Variants in MTA3 observed in about 807,000 individuals in gnomAD.
MTA3 encodes metastasis associated 1 family member 3, also known as metastasis-associated protein MTA3.
In MTA3, 34 loss-of-function variants were observed where a neutral mutation model predicts 83.5. That is an observed-to-expected ratio of 0.41 (90% CI 0.31 to 0.54). The LOEUF (loss-of-function observed/expected upper bound fraction) is 0.54, where lower values mean the gene tolerates loss of function less well. Ranked by LOEUF, MTA3 falls within the 20% of genes least tolerant of loss-of-function variation. The probability of loss-of-function intolerance (pLI) is 0.33; values close to 1 mark genes in which losing one functional copy is unlikely to be tolerated. For synonymous variants in MTA3, 303 were observed against 252.7 expected, an observed-to-expected ratio of 1.20 and a Z score of -1.89; for missense variants, 761 against 726.4, an observed-to-expected ratio of 1.05 and a Z score of -0.55.
chr2:42,499,448 G>T (rs1159533921), intron 2 of MTA3, among the ~76,000 whole-genome samples: 1 of 151,290 alleles, frequency 6.6e-6, no homozygotes, highest in Non-Finnish European at 1.5e-5. Context: ...TTACAGGCGT[G>T]AGCCACCACG....
At chr2:42,548,251 G>A (rs1056569809) in intron 2 of MTA3, among the ~76,000 whole-genome samples, 5 of 152,138 alleles carry the variant, frequency 3.3e-5, no homozygotes, top group African/African-American at 1.2e-4. Flanking sequence ...GATTGCTTGA[G>A]GTCAGGAATT....
At chr2:42,722,829 A>G in intron 15 of MTA3, 60 bp from the exon 16 acceptor site, 1 of 1,534,338 alleles carries the variant, frequency 6.5e-7, no homozygotes. Flanking sequence ...TAGCCAATGT[A>G]AATGCACACA....
At chr2:42,536,925 G>A (rs1279271315) in intron 2 of MTA3, among the ~76,000 whole-genome samples, 1 of 151,114 alleles carries the variant, frequency 6.6e-6, no homozygotes, top group Non-Finnish European at 1.5e-5. Flanking sequence ...CCCAACACAG[G>A]TATCCCGGAT....
At chr2:42,710,107 A>G (rs757793484) in intron 14 of MTA3, among the ~76,000 whole-genome samples, 2 of 152,324 alleles carry the variant, frequency 1.3e-5, no homozygotes, top group East Asian at 1.9e-4. Flanking sequence ...ATCTCTTACT[A>G]TGAAATGTTC....
At chr2:42,660,298 A>C (rs1450180818) in intron 8 of MTA3, among the ~76,000 whole-genome samples, 1 of 152,090 alleles carries the variant, frequency 6.6e-6, no homozygotes, top group Non-Finnish European at 1.5e-5. Flanking sequence ...CATGTTGGCC[A>C]GGTTGGTCTC....
chr2:42,719,582 C>T (rs1471847490), intron 15 of MTA3, among the ~76,000 whole-genome samples: 1 of 152,028 alleles, frequency 6.6e-6, no homozygotes, highest in African/African-American at 2.4e-5. Flanking sequence ...CTTTGTTGCC[C>T]AGGCTGGTCT....
At chr2:42,714,832 A>G (rs1238086616) in intron 14 of MTA3, among the ~76,000 whole-genome samples, 3 of 152,308 alleles carry the variant, frequency 2.0e-5, no homozygotes, top group African/African-American at 7.2e-5. Flanking sequence ...AGCGGTTCAC[A>G]ATAGGGTTAG....
At chr2:42,610,111 G>A (rs949347356) in intron 4 of MTA3, among the ~76,000 whole-genome samples, 6 of 151,120 alleles carry the variant, frequency 4.0e-5, no homozygotes, top group Non-Finnish European at 7.4e-5. Flanking sequence ...AAAAACAAAC[G>A]AAAAAAAACA....
intron 9 of MTA3, 41 bp from the exon 10 acceptor site, chr2:42,695,724 T>C (rs1693332682): frequency 1.7e-6 from 2 of 1,190,730 alleles, no homozygotes; most frequent in Non-Finnish European, 2.4e-6. Flanking sequence ...CATTTTATTA[T>C]ATGTTAACAT....
intron 3 of MTA3, among the ~76,000 whole-genome samples, chr2:42,601,069 G>C (rs999717521): frequency 5.9e-5 from 9 of 151,974 alleles, no homozygotes; most frequent in Admixed American, 4.6e-4. Context: ...TCCACGTCCG[G>C]CTAATTTTTG....
intron 16 of MTA3, among the ~76,000 whole-genome samples, chr2:42,742,349 G>A (rs1226425068): frequency 6.6e-6 from 1 of 151,984 alleles, no homozygotes; most frequent in Admixed American, 6.6e-5. Flanking sequence ...ATGTTGGCCA[G>A]GTGTGTCTCA....
intron 2 of MTA3, among the ~76,000 whole-genome samples, chr2:42,523,408 T>C (rs927779983): frequency 6.6e-5 from 10 of 152,012 alleles, no homozygotes; most frequent in African/African-American, 2.4e-4. Context: ...CTCGTCAGGG[T>C]CTCTTCCCTG....
chr2:42,530,897 T>G (rs535784166), intron 2 of MTA3, among the ~76,000 whole-genome samples: 71 of 152,098 alleles, frequency 4.7e-4, no homozygotes, highest in Non-Finnish European at 8.8e-4. Context: ...TGGCGCAATC[T>G]CAGCTCACTA....
In MTA3 at chr2:42,556,238, C is replaced by T. The variant is rs373787546; in HGVS notation, c.-140-14199C>T. Among the ~76,000 whole-genome samples, 5 of 152,216 alleles carry T rather than the reference C, an allele frequency of 3.3e-5. No homozygotes were observed. The East Asian group carries it at 9.7e-4, about 29-fold the overall frequency. Reference sequence around the variant, plus strand: ...CTTCTCTATCTCCCCTCCTGTACTCCTACTCCAGAGTCTCCCGAAAGCCTA... The same window carrying T: ...CTTCTCTATCTCCCCTCCTGTACTCTTACTCCAGAGTCTCCCGAAAGCCTA... On this transcript the variant is annotated intron_variant, in intron 2 of 17. Transcript: ENST00000405592.
chr2:42,573,625 C>T (rs1474192839), intron 2 of MTA3, among the ~76,000 whole-genome samples: 1 of 152,174 alleles, frequency 6.6e-6, no homozygotes, highest in Non-Finnish European at 1.5e-5. Flanking sequence ...ATTCTTCTGC[C>T]TCAGCCTCCC....
intron 2 of MTA3, among the ~76,000 whole-genome samples, chr2:42,573,931 G>C (rs2103845892): frequency 6.6e-6 from 1 of 152,104 alleles, no homozygotes; most frequent in East Asian, 1.9e-4. Flanking sequence ...CCATTCTCCT[G>C]CCTCAGCCTC....
chr2:42,516,074 C>T (rs1675133362), intron 2 of MTA3, among the ~76,000 whole-genome samples: 1 of 151,670 alleles, frequency 6.6e-6, no homozygotes, highest in Admixed American at 6.6e-5. Context: ...GCCACCACGC[C>T]CAGCTGATTT....
At position 42,577,314 on chromosome 2, in the gene MTA3, C is replaced by T. The variant is rs145777661; in HGVS notation, c.97-1793C>T. 4.6e-3 allele frequency among the ~76,000 whole-genome samples: 693 copies of T among 151,432 alleles called. 8 individuals carry two copies. Among genetic ancestry groups the T allele is most frequent in the African/African-American group, 0.015 (634 of 41,264 alleles). On this transcript the variant is annotated intron_variant, in intron 2 of 16. Coordinates refer to ENST00000405094, the MANE Select transcript of MTA3 (RefSeq NM_001330442.2). ...AGAGGAATATGGTAGCTGTAAGCTACCTAGTAGCTAAGTGAGTGCATGGTC... is the reference window on the plus strand; with the variant it reads ...AGAGGAATATGGTAGCTGTAAGCTATCTAGTAGCTAAGTGAGTGCATGGTC...
intron 3 of MTA3, among the ~76,000 whole-genome samples, chr2:42,580,087 G>C (rs1461218966): frequency 6.6e-6 from 1 of 152,074 alleles, no homozygotes; most frequent in Non-Finnish European, 1.5e-5. Context: ...GGGTCCACAG[G>C]TGTGCACCAC....
Sources: allele counts gnomAD v4.1 joint callset (sites outside exome capture counted in the v4.1 genomes callset), GRCh38; gene constraint gnomAD v4.1.1; transcripts MANE v1.5; gene names NCBI Gene and HGNC (gene_info 2026-07-23, HGNC 2026-07-21).